TBL1Y: variants seen among roughly 807,000 people sequenced by gnomAD.
The protein encoded by TBL1Y is transducin beta like 1 Y-linked.
Under a neutral mutation model 12.0 loss-of-function variants are expected in TBL1Y, and 15 were observed. The ratio of observed to expected loss-of-function variants is 1.25; its 90% CI spans 0.83 to 1.92. The LOEUF is 1.92. Among genes scored for constraint, TBL1Y ranks in the 40% most tolerant of loss-of-function variants. TBL1Y has a pLI of 0.00. For missense variants in TBL1Y, 148 were observed against 116.7 expected (o/e 1.27, Z -1.24); for synonymous variants, 53 against 42.6 (o/e 1.24, Z -0.95).
At chrY:7,071,143 A>G (rs2013029232) in intron 10 of TBL1Y, among the ~76,000 whole-genome samples, 1 of 33,540 alleles carries the variant, frequency 3.0e-5, no homozygotes, top group African/African-American at 1.2e-4. Flanking sequence ...ATAGGCTGGG[A>G]GCTATGAGGT....
At chrY:7,069,812 A>G in intron 8 of TBL1Y, among the ~76,000 whole-genome samples, 1 of 32,814 alleles carries the variant, frequency 3.0e-5, no homozygotes, top group East Asian at 8.3e-4. Flanking sequence ...AGCTGGGGCT[A>G]CAGGCATATG....
intron 1 of TBL1Y, among the ~76,000 whole-genome samples, chrY:6,911,297 T>G (rs2011690647): frequency 4.6e-4 from 16 of 34,527 alleles, no homozygotes; most frequent in Non-Finnish European, 2.9e-4. Flanking sequence ...AGTACTCGGT[T>G]TCTTCCTGGT....
intron 7 of TBL1Y, among the ~76,000 whole-genome samples, chrY:7,053,434 C>G (rs2012809465): frequency 6.1e-5 from 2 of 32,738 alleles, no homozygotes; most frequent in Non-Finnish European, 1.5e-4. Flanking sequence ...GCTTTCCCTC[C>G]AGAGCCTACT....
intron 3 of TBL1Y, among the ~76,000 whole-genome samples, chrY:6,993,547 C>A: frequency 6.5e-5 from 2 of 30,902 alleles, no homozygotes; most frequent in East Asian, 8.8e-4. Context: ...TCCCTCCCCC[C>A]ACACCCCTAC....
chrY:6,947,501 T>C (rs1603028071), intron 2 of TBL1Y, among the ~76,000 whole-genome samples: 4 of 33,689 alleles, frequency 1.2e-4, no homozygotes. Flanking sequence ...AAATTGAAAG[T>C]ATTATTTTGA....
chrY:6,957,983 G>A (rs1603029641), intron 2 of TBL1Y, among the ~76,000 whole-genome samples: 3 of 33,677 alleles, frequency 8.9e-5, no homozygotes, highest in African/African-American at 3.5e-4. Flanking sequence ...TTTGCTTCAT[G>A]ATTAAAACTC....
rs896852544 is a variant in TBL1Y at position 7,053,982 on chromosome Y, T to C, written c.205-9915T>C. On this transcript the variant is annotated intron_variant, in intron 7 of 18. Coordinates refer to ENST00000383032, the MANE Select transcript of TBL1Y (RefSeq NM_033284.2). ...TGCAGTTGCTTCCATGTTTAGGCAC[T>C]GCTGCCCAAGGGTCCGGAGTTGGAA... is the stretch of plus-strand genomic sequence containing the variant. 1.4e-4 allele frequency among the ~76,000 whole-genome samples: 5 copies of C among 34,631 alleles called. No homozygotes were observed. The East Asian group carries it at 3.1e-3, about 21-fold the overall frequency. The allele number at this position is 34,631 out of a possible 37,273, so 92.9% of individuals were successfully genotyped here. A position where few individuals can be genotyped will look rare whatever the true frequency, so the allele number is the denominator to read the frequency against.
In TBL1Y at chrY:6,997,655, A is replaced by G. The variant is rs894235468; in HGVS notation, c.-140+1757A>G. 8.8e-5 allele frequency among the ~76,000 whole-genome samples: 3 copies of G among 33,954 alleles called. No homozygotes were observed. The East Asian group carries it at 2.3e-3, about 27-fold the overall frequency. The allele number at this position is 33,954 out of a possible 37,273, so 91.1% of individuals were successfully genotyped here. ...TAAATTATTAACCCACTAGACTAAA[A>G]TTTAACTAAAGACTACCTTATGGTG... On this transcript the variant is annotated intron_variant, in intron 4 of 18. Coordinates refer to ENST00000383032, the MANE Select transcript of TBL1Y (RefSeq NM_033284.2).
intron 8 of TBL1Y, 125 bp downstream of exon 8, chrY:7,064,274 T>C: frequency 4.6e-6 from 1 of 215,675 alleles, no homozygotes; most frequent in Non-Finnish European, 7.4e-6. Context: ...AGCTGCTCTT[T>C]ATTGTTTGCT....
intron 4 of TBL1Y, among the ~76,000 whole-genome samples, chrY:7,018,721 G>T: frequency 1.2e-4 from 4 of 32,606 alleles, no homozygotes; most frequent in Admixed American, 5.6e-4. Context: ...TCCTTTCCCA[G>T]CTCTTCTCAC....
chrY:7,003,893 G>A, intron 4 of TBL1Y, among the ~76,000 whole-genome samples: 1 of 33,438 alleles, frequency 3.0e-5, no homozygotes, highest in South Asian at 6.8e-4. Context: ...ATCTGAGGCA[G>A]AGAGAAATGA....
At chrY:6,966,833 T>TTCTC (rs1569363835) in intron 2 of TBL1Y, among the ~76,000 whole-genome samples, 29 of 31,164 alleles carry the variant, frequency 9.3e-4, no homozygotes, top group African/African-American at 3.2e-3. Context: ...CAGAGCAGTC[T>TTCTC]TCTCTCTCTC....
At chrY:6,985,706 T>C in intron 3 of TBL1Y, among the ~76,000 whole-genome samples, 1 of 32,933 alleles carries the variant, frequency 3.0e-5, no homozygotes, top group Non-Finnish European at 7.4e-5. Context: ...TCTTCAGCCT[T>C]CCTGCATCCC....
intron 4 of TBL1Y, among the ~76,000 whole-genome samples, chrY:7,007,009 T>A: frequency 2.9e-5 from 1 of 33,967 alleles, no homozygotes; most frequent in Non-Finnish European, 7.3e-5. Flanking sequence ...ATGCATATAA[T>A]TAAATATGAC....
At chrY:6,968,158 A>C (rs2012183482) in intron 2 of TBL1Y, among the ~76,000 whole-genome samples, 1 of 33,074 alleles carries the variant, frequency 3.0e-5, no homozygotes, top group Non-Finnish European at 7.4e-5. Context: ...CACCTCTTTC[A>C]AGGCCCTAAC....
At chrY:6,992,022 T>TC (rs2012369118) in intron 3 of TBL1Y, among the ~76,000 whole-genome samples, 1 of 34,040 alleles carries the variant, frequency 2.9e-5, no homozygotes, top group Non-Finnish European at 7.3e-5. Flanking sequence ...TATGCCACAC[T>TC]GGGCATCACC....
At chrY:7,063,545 T>TAGGTAATCGGAATGAGTCAGGGTGGAGC (rs2012911956) in intron 7 of TBL1Y, among the ~76,000 whole-genome samples, 4 of 31,067 alleles carry the variant, frequency 1.3e-4, no homozygotes, top group Admixed American at 2.9e-4. Context: ...CAGGATGGAG[T>TAGGTAATCGGAATGAGTCAGGGTGGAGC]AGGTAATCGG....
intron 2 of TBL1Y, among the ~76,000 whole-genome samples, chrY:6,944,245 A>G (rs962782630): frequency 3.6e-4 from 12 of 33,496 alleles, no homozygotes; most frequent in Non-Finnish European, 7.4e-4. Context: ...CAGGGTCCAT[A>G]ACCTATGTGT....
chrY:6,935,194 A>C (rs765157687), intron 2 of TBL1Y, among the ~76,000 whole-genome samples: 1 of 32,574 alleles, frequency 3.1e-5, no homozygotes, highest in South Asian at 7.1e-4. Context: ...ATATTTGTGA[A>C]ACCAGCACCA....
Sources: gnomAD v4.1 joint callset for allele counts (sites outside exome capture counted in the v4.1 genomes callset) on GRCh38, gnomAD v4.1.1 for gene constraint, MANE v1.5 for transcripts, NCBI Gene and HGNC (gene_info 2026-07-23, HGNC 2026-07-21) for gene names.